The following TRIM36 variants were observed in gnomAD, a reference collection of about 807,000 sequenced individuals.
TRIM36 encodes E3 ubiquitin-protein ligase TRIM36.
In TRIM36, 42 loss-of-function variants were observed where a neutral mutation model predicts 72.4. That is an observed-to-expected ratio of 0.58 (90% CI 0.45 to 0.75). The LOEUF (loss-of-function observed/expected upper bound fraction) is 0.75. Among genes scored for constraint, TRIM36 ranks in the 30% least tolerant of loss-of-function variants. The probability of loss-of-function intolerance (pLI) is 0.00; values close to 1 mark genes in which losing one functional copy is unlikely to be tolerated. For synonymous variants in TRIM36, 315 were observed against 282.8 expected (o/e 1.11, Z -1.14); for missense variants, 913 against 857.1 (o/e 1.07, Z -0.81).
intron 1 of TRIM36, among the ~76,000 whole-genome samples, chr5:115,179,635 G>A (rs532197235): frequency 1.3e-5 from 2 of 152,340 alleles, no homozygotes; most frequent in Admixed American, 1.3e-4. Flanking sequence ...GCCCTGGTTG[G>A]TGGGGCAGCG....
At chr5:115,171,314 G>C, upstream of TRIM36, 1 of 1,551,018 alleles carries the variant, frequency 6.4e-7, no homozygotes, top group Non-Finnish European at 8.8e-7. Flanking sequence ...GTGAACAGAG[G>C]ACGAAAGCTT....
At chr5:115,166,653 A>G (rs1475383591) in intron 1 of TRIM36, among the ~76,000 whole-genome samples, 1 of 152,220 alleles carries the variant, frequency 6.6e-6, no homozygotes, top group Non-Finnish European at 1.5e-5. Context: ...AAACTGTGTC[A>G]AATACACCCT....
chr5:115,126,564 C>A lies in TRIM36; in HGVS notation c.2090G>T (p.Gly697Val). Residue 697 changes from glycine (G) to valine (V), a missense_variant, in exon 10 of 10, where the codon GGA (glycine) becomes GTA (valine). Physicochemically the swap from Gly to Val is moderately radical, Grantham distance 109. Transcript: ENST00000513154. ...GATGGGTTCTTCAAGCTGAATTCCTCCACTGCCCATTAATGCAAATGCTGG... is the reference window on the plus strand; with the variant it reads ...GATGGGTTCTTCAAGCTGAATTCCTACACTGCCCATTAATGCAAATGCTGG... Reference protein sequence around the residue: ...LYPAFALMGSGGIQLEEPITA... With the variant: ...LYPAFALMGSVGIQLEEPITA... 6.2e-7 allele frequency: 1 copy of A among 1,613,696 alleles called. No homozygotes were observed. Among genetic ancestry groups the A allele is most frequent in the Non-Finnish European group, 8.5e-7 (1 of 1,179,638 alleles).
chr5:115,161,075 C>T (rs530439685), intron 2 of TRIM36, among the ~76,000 whole-genome samples: 11 of 152,134 alleles, frequency 7.2e-5, no homozygotes, highest in Non-Finnish European at 1.6e-4. Context: ...TTACAGCATT[C>T]GCACCCTTTG....
rs1459055464 is a variant in TRIM36 at position 115,154,100 on chromosome 5, T to A, written c.263-6706A>T. 1.4e-4 allele frequency among the ~76,000 whole-genome samples: 21 copies of A among 144,830 alleles called. 1 individual carries two copies. The East Asian group carries it at 3.5e-3, about 24-fold the overall frequency. ...AATGAGCACAGGGTCAAAAAAAAAA[T>A]GAAATTAAGATGAAATTTAAAAATT... On this transcript the variant is annotated intron_variant, in intron 2 of 9. Coordinates refer to ENST00000513154, the MANE Select transcript of TRIM36 (RefSeq NM_001300759.2).
At chr5:115,180,126 T>C (rs956129572) in exon 1 of TRIM36, 26 of 1,304,758 alleles carry the variant, frequency 2.0e-5, no homozygotes, top group Non-Finnish European at 2.7e-5. Flanking sequence ...TAGTCTGAGT[T>C]TTGCCGAGCT....
chr5:115,130,438 C>T (rs1212081063), intron 9 of TRIM36, among the ~76,000 whole-genome samples, 154 bp downstream of exon 9: 1 of 152,164 alleles, frequency 6.6e-6, no homozygotes, highest in Non-Finnish European at 1.5e-5. Context: ...TGTGTGATTA[C>T]AAGAATACCC....
At chr5:115,151,127 C>T (rs1157569374) in intron 2 of TRIM36, among the ~76,000 whole-genome samples, 1 of 152,176 alleles carries the variant, frequency 6.6e-6, no homozygotes, top group African/African-American at 2.4e-5. Flanking sequence ...GGCGGGTAGA[C>T]TGGGGCAAGT....
chr5:115,142,735 G>T (rs1358049857), intron 4 of TRIM36, among the ~76,000 whole-genome samples: 2 of 152,152 alleles, frequency 1.3e-5, no homozygotes, highest in Admixed American at 1.3e-4. Context: ...TCTCTAAAAA[G>T]TATATGTACC....
chr5:115,126,744 G>C lies in TRIM36; in HGVS notation c.1910C>G (p.Pro637Arg). Residue 637 changes from proline to arginine, a missense_variant, in exon 10 of 10, where the codon CCT becomes CGT. Transcript: ENST00000513154. ...GMQKFFIPKS[P>R]TSSNEPENRV... Reference sequence around the variant, plus strand: ...ATTTTCAGGTTCATTAGAAGAAGTAGGTGACTTGGGTATAAAAAATTTCTG... The same window carrying C: ...ATTTTCAGGTTCATTAGAAGAAGTACGTGACTTGGGTATAAAAAATTTCTG... 1 of 1,614,096 alleles carries C rather than the reference G, an allele frequency of 6.2e-7. No homozygotes were observed. Among genetic ancestry groups the C allele is most frequent in the Non-Finnish European group, 8.5e-7 (1 of 1,180,038 alleles).
In TRIM36 at chr5:115,133,628, T is replaced by C. The variant is rs1752805886; in HGVS notation, c.1498+232A>G. On this transcript the variant is annotated intron_variant, in intron 8 of 9. Coordinates refer to ENST00000513154, the MANE Select transcript of TRIM36 (RefSeq NM_001300759.2). ...ACCCAAATTTCTTCCTTCCATGTTT[T>C]TCTCTATCTGACATCAGTTAAAACC... Among the ~76,000 whole-genome samples the C allele has an allele frequency of 2.6e-5, 4 of 152,218 alleles. No individual in the cohort carries two copies. In the South Asian group the frequency reaches 8.3e-4, roughly 32 times the overall value.
At position 115,151,725 on chromosome 5, in the gene TRIM36, C is replaced by A. The variant is rs184802567; in HGVS notation, c.263-4331G>T. Among the ~76,000 whole-genome samples, 6 of 152,302 alleles carry A rather than the reference C, an allele frequency of 3.9e-5. No homozygotes were observed. In the East Asian group the frequency reaches 7.7e-4, roughly 20 times the overall value. On this transcript the variant is annotated intron_variant, in intron 2 of 9. Coordinates refer to ENST00000513154, the MANE Select transcript of TRIM36 (RefSeq NM_001300759.2). ...ATCACAGGACTGTGGGCAGACAACACCCAATACCAGCCCAGAGCCTGGTAT... is the reference window on the plus strand; with the variant it reads ...ATCACAGGACTGTGGGCAGACAACAACCAATACCAGCCCAGAGCCTGGTAT...
At chr5:115,135,398 T>TA (rs1016243205) in intron 7 of TRIM36, among the ~76,000 whole-genome samples, 2 of 150,764 alleles carry the variant, frequency 1.3e-5, no homozygotes, top group African/African-American at 2.4e-5. Context: ...TTTTAAAATT[T>TA]AAAAAAAAAG....
intron 8 of TRIM36, 102 bp downstream of exon 8, chr5:115,133,758 C>T: frequency 8.5e-7 from 1 of 1,174,840 alleles, no homozygotes. Context: ...AAAACAAGAG[C>T]TGGTTTCAGT....
At chr5:115,178,922 A>G (rs538657678) in intron 1 of TRIM36, among the ~76,000 whole-genome samples, 1 of 152,128 alleles carries the variant, frequency 6.6e-6, no homozygotes, top group South Asian at 2.1e-4. Context: ...AAACTACTCC[A>G]TATGCTATAT....
chr5:115,135,691 T>C (rs993340091), intron 7 of TRIM36, among the ~76,000 whole-genome samples: 8 of 152,140 alleles, frequency 5.3e-5, no homozygotes, highest in African/African-American at 1.9e-4. Context: ...TAAGCAAATA[T>C]CTATTTGTAT....
At chr5:115,143,303 A>C (rs1306140334) in intron 4 of TRIM36, among the ~76,000 whole-genome samples, 3 of 151,408 alleles carry the variant, frequency 2.0e-5, no homozygotes, top group East Asian at 1.9e-4. Context: ...CTTTTACTTC[A>C]ATAGTCAGAT....
chr5:115,151,727 C>T (rs1370959844), intron 2 of TRIM36, among the ~76,000 whole-genome samples: 2 of 152,190 alleles, frequency 1.3e-5, no homozygotes, highest in African/African-American at 4.8e-5. Flanking sequence ...AGACAACACC[C>T]AATACCAGCC....
intron 5 of TRIM36, among the ~76,000 whole-genome samples, 172 bp from the exon 6 acceptor site, chr5:115,137,788 T>C (rs1453144468): frequency 6.6e-6 from 1 of 152,216 alleles, no homozygotes; most frequent in African/African-American, 2.4e-5. Context: ...AAAAGTTTTA[T>C]CTAACTCTGA....
Sources: allele counts gnomAD v4.1 joint callset (sites outside exome capture counted in the v4.1 genomes callset), GRCh38; gene constraint gnomAD v4.1.1; transcripts MANE v1.5; gene names NCBI Gene and HGNC (gene_info 2026-07-23, HGNC 2026-07-21).